NCKAP1L: variants seen among roughly 807,000 people sequenced by gnomAD.
NCKAP1L encodes the protein nck-associated protein 1-like.
Under a neutral mutation model 139.2 loss-of-function variants are expected in NCKAP1L, and 53 were observed. That is an observed-to-expected ratio of 0.38 (90% confidence interval 0.31 to 0.48). The LOEUF is 0.48. NCKAP1L is among the 20% of genes least tolerant of loss of function. NCKAP1L has a pLI of 0.98. For synonymous variants in NCKAP1L, 468 were observed against 499.7 expected (o/e 0.94, Z 0.85); for missense variants, 1,151 against 1,381.9 (o/e 0.83, Z 2.65).
intron 7 of NCKAP1L, 55 bp from the exon 8 acceptor site, chr12:54,511,747 TC>T: frequency 6.3e-7 from 1 of 1,585,474 alleles, no homozygotes; most frequent in Non-Finnish European, 8.6e-7. Context: ...TTGTCCTTTC[TC>T]CTTTAGAGGA....
chr12:54,512,209 T>C, intron 9 of NCKAP1L, 104 bp downstream of exon 9: 1 of 1,245,880 alleles, frequency 8.0e-7, no homozygotes, highest in South Asian at 1.5e-5. Flanking sequence ...GTGGTAACGA[T>C]TAATTCTAAC....
intron 13 of NCKAP1L, among the ~76,000 whole-genome samples, chr12:54,518,184 C>CA (rs1202115783): frequency 3.3e-5 from 5 of 151,160 alleles, no homozygotes; most frequent in Non-Finnish European, 5.9e-5. Context: ...ACTAAAAATG[C>CA]AAAAAAAATT....
rs551322876 is a variant in NCKAP1L, at chr12:54,514,097, TA to T, written c.941+1999del. On this transcript the variant is annotated intron_variant, in intron 9 of 30. Transcript: ENST00000293373. ...TCTATATTATGTTCTATGGTTTGCT[TA>T]AAAAAACTTACTATGTTTTGGATAT... is the stretch of plus-strand genomic sequence containing the variant. Among the ~76,000 whole-genome samples, 262 of 152,214 alleles carry T rather than the reference TA, an allele frequency of 1.7e-3. 2 individuals carry two copies. The highest frequency in any genetic ancestry group is 6.1e-3 in the African/African-American group (252 of 41,546).
rs1956891070 is a variant in NCKAP1L at position 54,511,704 on chromosome 12, G to A, written c.736-99G>A. The stretch of plus-strand genomic sequence containing the variant: ...TTAAAGGCGTTAGCCACCACCCCTT[G>A]CCAAAAGTTAGTTTTGATACTCAGA... On this transcript the variant is annotated intron_variant, in intron 7 of 30. Coordinates refer to ENST00000293373, the MANE Select transcript of NCKAP1L (RefSeq NM_005337.5). 9 of 1,369,748 alleles carry A rather than the reference G, an allele frequency of 6.6e-6. No individual in the cohort carries two copies. In the South Asian group the frequency reaches 9.3e-5, roughly 14 times the overall value. The allele number at this position is 1,369,748 out of a possible 1,614,324, so 84.8% of individuals were successfully genotyped here.
rs936809369 is a variant in NCKAP1L, at chr12:54,547,566, G to A, written c.*4881G>A. 1.3e-5 allele frequency: 2 copies of A among 151,628 alleles called. No homozygotes were observed. The highest frequency in any genetic ancestry group is 2.1e-4 in the South Asian group (1 of 4,774). The allele number at this position is 151,628 out of a possible 1,614,324, so 9.4% of individuals were successfully genotyped here. A position where few individuals can be genotyped will look rare whatever the true frequency, so the allele number is the denominator to read the frequency against. ...CCTTAAAATGAATCAGGAGCAGGGG[G>A]TCTTGGGAGAGCAGGATGTGACACT... On this transcript the variant is annotated 3_prime_UTR_variant, in exon 31 of 31. Coordinates refer to ENST00000293373, the MANE Select transcript of NCKAP1L (RefSeq NM_005337.5).
intron 5 of NCKAP1L, 141 bp downstream of exon 5, chr12:54,508,672 C>G: frequency 1.2e-6 from 1 of 839,260 alleles, no homozygotes; most frequent in Non-Finnish European, 1.9e-6. Context: ...AAATAAGGTA[C>G]ACTTTTACAT....
chr12:54,511,176 G>T (rs1956885433), intron 7 of NCKAP1L, among the ~76,000 whole-genome samples: 1 of 152,228 alleles, frequency 6.6e-6, no homozygotes, highest in African/African-American at 2.4e-5. Context: ...GAAGATTTCT[G>T]AGTCTTGCTC....
In NCKAP1L at chr12:54,522,552, A is replaced by G. The variant is rs999606331; in HGVS notation, c.1879-842A>G. On this transcript the variant is annotated intron_variant, in intron 18 of 30. Coordinates refer to ENST00000293373, the MANE Select transcript of NCKAP1L (RefSeq NM_005337.5). ...ACTGCTTTCAGAATCTGCTACAGAC[A>G]CATAATCTTTTGCACAATCTCAGGG... Among the ~76,000 whole-genome samples the G allele has an allele frequency of 4.6e-5, 7 of 152,254 alleles. 1 individual carries two copies. The highest frequency in any genetic ancestry group is 4.1e-4 in the South Asian group (2 of 4,830).
chr12:54,517,643 G>A lies in NCKAP1L; in HGVS notation c.1205+1G>A, dbSNP rs1239645215. On this transcript the variant is annotated splice_donor_variant, in intron 12 of 30. Transcript: ENST00000293373. LOFTEE classifies it high-confidence loss of function. ...AGACACCTGAGGACTATGCTGACTCGTTAGTACTTGACATGGCTAAGAACC... is the reference window on the plus strand; with the variant it reads ...AGACACCTGAGGACTATGCTGACTCATTAGTACTTGACATGGCTAAGAACC... The A allele has an allele frequency of 1.2e-6, 2 of 1,608,486 alleles. No homozygotes were observed. Among genetic ancestry groups the A allele is most frequent in the Non-Finnish European group, 1.7e-6 (2 of 1,174,868 alleles).
chr12:54,523,417 T>C lies in NCKAP1L; in HGVS notation c.1902T>C (p.Thr634=), dbSNP rs771410691. 2 of 1,614,032 alleles carry C rather than the reference T, an allele frequency of 1.2e-6. No individual in the cohort carries two copies. Among genetic ancestry groups the C allele is most frequent in the Non-Finnish European group, 1.7e-6 (2 of 1,179,984 alleles). ...AGCTTCTACCTAAGCACTGTGCCAC[T>C]ACAATCAGCAAAGCCAAGAACAAGA... ...SEQLLPKHCA[T]TISKAKNKKT... Residue 634 remains threonine (T), a synonymous_variant, in exon 19 of 31, where the codon ACT becomes ACC. Coordinates refer to ENST00000293373, the MANE Select transcript of NCKAP1L (RefSeq NM_005337.5).
At position 54,542,767 on chromosome 12, in the gene NCKAP1L, G is replaced by T; in HGVS notation, c.*82G>T. On this transcript the variant is annotated 3_prime_UTR_variant, in exon 31 of 31. Transcript: ENST00000293373. ...TGGAAGCTGTGGTCACTTTCGCAGG[G>T]GGTGGGAATGGGGTGGGGTCACTAA... 6.1e-6 allele frequency: 5 copies of T among 816,912 alleles called. No homozygotes were observed. The highest frequency in any genetic ancestry group is 1.7e-5 in the African/African-American group (1 of 58,588). 50.6% of individuals were successfully genotyped at this position (816,912 alleles called of 1,614,324 possible). A position where few individuals can be genotyped will look rare whatever the true frequency, so the allele number is the denominator to read the frequency against.
chr12:54,512,133 T>G, intron 9 of NCKAP1L, 28 bp downstream of exon 9: 3 of 1,608,290 alleles, frequency 1.9e-6, no homozygotes, highest in Non-Finnish European at 2.5e-6. Flanking sequence ...CAAACTGATC[T>G]TCCTTGAATA....
chr12:54,517,732 C>T, intron 12 of NCKAP1L, 74 bp from the exon 13 acceptor site: 3 of 1,599,356 alleles, frequency 1.9e-6, no homozygotes, highest in Admixed American at 1.7e-5. Flanking sequence ...CAATTTCTGC[C>T]CTGATATCAC....
chr12:54,506,498 C>G (rs890901308), intron 3 of NCKAP1L, among the ~76,000 whole-genome samples: 4 of 151,826 alleles, frequency 2.6e-5, no homozygotes, highest in African/African-American at 9.7e-5. Context: ...CGCCTCTCAG[C>G]TTACTGCAAC....
At chr12:54,509,574 C>T (rs998420242) in intron 5 of NCKAP1L, 95 bp from the exon 6 acceptor site, 5 of 834,860 alleles carry the variant, frequency 6.0e-6, no homozygotes, top group African/African-American at 5.1e-5. Flanking sequence ...TGGGGAGTGC[C>T]AGCCTATGCA....
intron 26 of NCKAP1L, among the ~76,000 whole-genome samples, chr12:54,533,479 A>G (rs952968789): frequency 6.6e-6 from 1 of 152,174 alleles, no homozygotes; most frequent in Non-Finnish European, 1.5e-5. Context: ...TTTAGGTAGT[A>G]GGGGATTTAA....
At chr12:54,521,319 C>T in intron 18 of NCKAP1L, 81 bp downstream of exon 18, 1 of 1,567,436 alleles carries the variant, frequency 6.4e-7, no homozygotes, top group Non-Finnish European at 8.7e-7. Flanking sequence ...GTTTCCCTCT[C>T]AGATGCCAAG....
intron 15 of NCKAP1L, 51 bp downstream of exon 15, chr12:54,519,023 C>A (rs192400078): frequency 7.2e-5 from 114 of 1,573,436 alleles, no homozygotes; most frequent in Non-Finnish European, 8.4e-5. Context: ...CTTCCTCCCC[C>A]ACAATCCCTT....
intron 22 of NCKAP1L, among the ~76,000 whole-genome samples, chr12:54,529,310 T>A (rs56291604): frequency 0.034 from 5,116 of 152,056 alleles, 284 homozygotes; most frequent in African/African-American, 0.12. Flanking sequence ...AGGTAAGGAG[T>A]GTGTAGTGAA....
Sources: gnomAD v4.1 joint callset for allele counts (sites outside exome capture counted in the v4.1 genomes callset) on GRCh38, gnomAD v4.1.1 for gene constraint, MANE v1.5 for transcripts, NCBI Gene and HGNC (gene_info 2026-07-23, HGNC 2026-07-21) for gene names.